VKORC1L1: variants seen among roughly 807,000 people sequenced by gnomAD.
VKORC1L1 encodes the protein vitamin K epoxide reductase complex subunit 1L1.
In VKORC1L1, 2 loss-of-function variants were observed where a neutral mutation model predicts 18.9. That is an observed-to-expected ratio of 0.11 (90% CI 0.04 to 0.33). The LOEUF (loss-of-function observed/expected upper bound fraction) is 0.33, where lower values mean the gene tolerates loss of function less well. Ranked by LOEUF, VKORC1L1 falls within the 10% of genes least tolerant of loss-of-function variation. The pLI, the probability that VKORC1L1 is intolerant of heterozygous loss-of-function variation, is 1.00. For synonymous variants in VKORC1L1, 96 were observed against 100.0 expected, an observed-to-expected ratio of 0.96 and a Z score of 0.24; for missense variants, 123 against 224.1, an observed-to-expected ratio of 0.55 and a Z score of 2.88.
intron 1 of VKORC1L1, among the ~76,000 whole-genome samples, chr7:65,919,628 C>T (rs1789642988): frequency 6.6e-6 from 1 of 152,182 alleles, no homozygotes; most frequent in Non-Finnish European, 1.5e-5. Flanking sequence ...TTTTCACCAC[C>T]TCCACTGCGG....
intron 1 of VKORC1L1, among the ~76,000 whole-genome samples, chr7:65,891,393 A>G (rs1054683844): frequency 6.6e-6 from 1 of 152,138 alleles, no homozygotes; most frequent in African/African-American, 2.4e-5. Flanking sequence ...TTAACACTCC[A>G]CTTTGGTTTT....
At chr7:65,891,330 G>C (rs1789108163) in intron 1 of VKORC1L1, among the ~76,000 whole-genome samples, 2 of 152,044 alleles carry the variant, frequency 1.3e-5, no homozygotes, top group Non-Finnish European at 2.9e-5. Context: ...GGATAGGTGA[G>C]TGTTTAACTT....
intron 1 of VKORC1L1, among the ~76,000 whole-genome samples, chr7:65,937,298 T>A (rs1789960534): frequency 6.6e-6 from 1 of 152,226 alleles, no homozygotes; most frequent in South Asian, 2.1e-4. Flanking sequence ...TTGCTTTTTG[T>A]GTTGTCCAAT....
upstream of VKORC1L1, among the ~76,000 whole-genome samples, chr7:65,871,077 G>C (rs1317799728): frequency 6.6e-6 from 1 of 152,224 alleles, no homozygotes; most frequent in Non-Finnish European, 1.5e-5. Context: ...CCTGGGCAGA[G>C]CAAGGATGTT....
At position 65,958,924 on chromosome 7, in the gene VKORC1L1, A is replaced by C. The variant is rs1019605291; in HGVS notation, c.*4624A>C. On this transcript the variant is annotated 3_prime_UTR_variant, in exon 3 of 3. Transcript: ENST00000360768. ...CTCTAAAAAGGTAGCATCGGCAAGA[A>C]AGATGAATCCGTTGGAAATACAGCT... 2 of 152,266 alleles carry C rather than the reference A, an allele frequency of 1.3e-5. No homozygotes were observed. The highest frequency in any genetic ancestry group is 2.4e-5 in the African/African-American group (1 of 41,476). The allele number at this position is 152,266 out of a possible 1,614,324, so 9.4% of individuals were successfully genotyped here.
chr7:65,949,611 C>T (rs1207242085), intron 2 of VKORC1L1, among the ~76,000 whole-genome samples: 1 of 152,004 alleles, frequency 6.6e-6, no homozygotes, highest in Non-Finnish European at 1.5e-5. Context: ...TGGTGAGACT[C>T]TGTCTCTGTA....
upstream of VKORC1L1, among the ~76,000 whole-genome samples, chr7:65,869,857 G>A (rs893771724): frequency 5.3e-4 from 81 of 151,582 alleles, 1 homozygote; most frequent in African/African-American, 2.0e-3. Flanking sequence ...GTCTTGCTAT[G>A]TTGCCCAGGC....
At chr7:65,928,397 C>A (rs928597154) in intron 1 of VKORC1L1, among the ~76,000 whole-genome samples, 4 of 151,800 alleles carry the variant, frequency 2.6e-5, no homozygotes, top group African/African-American at 9.7e-5. Context: ...GAACAATTCC[C>A]TTTTGTAGTC....
At chr7:65,876,913 G>A (rs1163939402) in intron 1 of VKORC1L1, among the ~76,000 whole-genome samples, 1 of 152,180 alleles carries the variant, frequency 6.6e-6, no homozygotes, top group Admixed American at 6.5e-5. Context: ...GGGCATGGTG[G>A]CGCATGCCTG....
chr7:65,949,711 G>C (rs905544397), intron 2 of VKORC1L1, among the ~76,000 whole-genome samples: 1 of 151,350 alleles, frequency 6.6e-6, no homozygotes, highest in Non-Finnish European at 1.5e-5. Flanking sequence ...TTGAGTCCAA[G>C]AGATGGAGGT....
chr7:65,900,017 TTGTGCG>T (rs1398974370), intron 1 of VKORC1L1, among the ~76,000 whole-genome samples: 1 of 147,594 alleles, frequency 6.8e-6, no homozygotes, highest in African/African-American at 2.5e-5. Context: ...AAAAATAGCT[TTGTGCG>T]TGTGTGCATG....
chr7:65,953,213 G>A (rs755168806), intron 2 of VKORC1L1, among the ~76,000 whole-genome samples: 1 of 152,140 alleles, frequency 6.6e-6, no homozygotes, highest in African/African-American at 2.4e-5. Context: ...TATCCACCAG[G>A]GTGAGCCCTT....
chr7:65,934,284 A>T (rs1789905269), intron 1 of VKORC1L1, among the ~76,000 whole-genome samples: 1 of 152,196 alleles, frequency 6.6e-6, no homozygotes, highest in Non-Finnish European at 1.5e-5. Context: ...GTATATATTT[A>T]TGGAGTACAA....
intron 1 of VKORC1L1, among the ~76,000 whole-genome samples, chr7:65,931,204 T>C (rs1789851931): frequency 6.6e-6 from 1 of 152,092 alleles, no homozygotes; most frequent in Non-Finnish European, 1.5e-5. Context: ...CCTTTTTTTC[T>C]TTTAATGCTT....
chr7:65,871,252 A>G (rs1314773590), upstream of VKORC1L1, among the ~76,000 whole-genome samples: 2 of 151,598 alleles, frequency 1.3e-5, no homozygotes, highest in Non-Finnish European at 2.9e-5. Context: ...CTGGAGTGCA[A>G]TGGTGTGAGC....
At chr7:65,930,575 G>A (rs1789841483) in intron 1 of VKORC1L1, among the ~76,000 whole-genome samples, 1 of 152,200 alleles carries the variant, frequency 6.6e-6, no homozygotes, top group Non-Finnish European at 1.5e-5. Context: ...TGCAGAAATT[G>A]TGGGTCAGAG....
intron 1 of VKORC1L1, among the ~76,000 whole-genome samples, chr7:65,941,673 G>GTTTTTTTTT (rs57537567): frequency 1.4e-4 from 9 of 66,490 alleles, no homozygotes; most frequent in Admixed American, 2.1e-4. Flanking sequence ...TTTTCTTAAG[G>GTTTTTTTTT]TTTTTTTTTT....
At chr7:65,870,473 C>T (rs965703247), upstream of VKORC1L1, among the ~76,000 whole-genome samples, 2 of 152,036 alleles carry the variant, frequency 1.3e-5, no homozygotes, top group Admixed American at 6.6e-5. Context: ...GCTTATGAGG[C>T]ATCAAAGGTC....
chr7:65,928,032 G>C (rs35432774), intron 1 of VKORC1L1, among the ~76,000 whole-genome samples: 19,471 of 151,882 alleles, frequency 0.13, 1,404 homozygotes, highest in Middle Eastern at 0.21. Flanking sequence ...TAAACCTATA[G>C]TAAGGCACTT....
Sources: gnomAD v4.1 joint callset for allele counts (sites outside exome capture counted in the v4.1 genomes callset) on GRCh38, gnomAD v4.1.1 for gene constraint, MANE v1.5 for transcripts, NCBI Gene and HGNC (gene_info 2026-07-23, HGNC 2026-07-21) for gene names.